The following SLC26A8 variants were observed in gnomAD, a reference collection of about 807,000 sequenced individuals.
The protein encoded by SLC26A8 is testis anion transporter 1.
A neutral mutation model predicts 105.0 loss-of-function variants in SLC26A8; 70 were observed. The observed-to-expected ratio is 0.67, with a 90% CI of 0.55 to 0.81. The LOEUF (loss-of-function observed/expected upper bound fraction) is 0.81, where lower values mean the gene tolerates loss of function less well. Ranked by LOEUF, SLC26A8 falls within the 40% of genes least tolerant of loss-of-function variation. The pLI, the probability that SLC26A8 is intolerant of heterozygous loss-of-function variation, is 0.00. For missense variants in SLC26A8, 998 were observed against 1,181.8 expected, an observed-to-expected ratio of 0.84 and a Z score of 2.28; for synonymous variants, 415 against 438.3, an observed-to-expected ratio of 0.95 and a Z score of 0.66.
intron 7 of SLC26A8, among the ~76,000 whole-genome samples, chr6:35,984,342 G>C (rs1229343717): frequency 1.1e-5 from 1 of 87,474 alleles, no homozygotes; most frequent in South Asian, 3.5e-4. Flanking sequence ...TTTTTTTTGA[G>C]ACAGAGTCTT....
intron 11 of SLC26A8, among the ~76,000 whole-genome samples, chr6:35,963,016 A>G (rs530348585): frequency 6.6e-6 from 1 of 152,236 alleles, no homozygotes; most frequent in Admixed American, 6.5e-5. Context: ...CAAAAACACA[A>G]GGCAAGGTCA....
Position 35,955,465 on chromosome 6 carries a change from T to G in SLC26A8, c.1919A>C (p.Asn640Thr), listed in dbSNP as rs1772025257. The change falls in exon 17 of 20, where the codon AAC (asparagine) becomes ACC (threonine). Residue 640 changes from asparagine to threonine, a missense_variant. By Grantham distance (65) the Asn-to-Thr change is moderately conservative. Transcript: ENST00000490799. Reference protein sequence around the residue: ...NKLDPEASSINLIHCSHFESM... With the variant: ...NKLDPEASSITLIHCSHFESM... ...CTCAAAATGTGAGCAGTGAATCAGGTTAATGGAGGATGCTTCGGGATCCAG... is the reference window on the plus strand; with the variant it reads ...CTCAAAATGTGAGCAGTGAATCAGGGTAATGGAGGATGCTTCGGGATCCAG... The G allele has an allele frequency of 1.2e-6, 2 of 1,614,000 alleles. No homozygotes were observed. Among genetic ancestry groups the G allele is most frequent in the South Asian group, 2.2e-5 (2 of 91,084 alleles).
rs1772635682 is a variant in SLC26A8, at chr6:35,968,611, ATATATATAT to A, written c.1365+257_1365+265del. Reference sequence around the variant, plus strand: ...TGTATGTGTGTGTGTGTGTGTGTGTATATATATATATATATATATATATATATATATATA... The same window carrying A: ...TGTATGTGTGTGTGTGTGTGTGTGTAATATATATATATATATATATATATA... On this transcript the variant is annotated intron_variant, in intron 11 of 19. Transcript: ENST00000490799. Among the ~76,000 whole-genome samples the A allele has an allele frequency of 1.7e-3, 77 of 44,114 alleles. 2 individuals are homozygous for A. Among genetic ancestry groups the A allele is most frequent in the East Asian group, 2.7e-3 (3 of 1,112 alleles). The allele number at this position is 44,114 out of a possible 152,430, so 28.9% of individuals were successfully genotyped here. A position where few individuals can be genotyped will look rare whatever the true frequency, so the allele number is the denominator to read the frequency against.
intron 7 of SLC26A8, among the ~76,000 whole-genome samples, chr6:35,983,671 C>T (rs1773370930): frequency 6.6e-6 from 1 of 152,122 alleles, no homozygotes; most frequent in African/African-American, 2.4e-5. Context: ...CATGCCTCAG[C>T]TTCCTAAGTA....
chr6:35,991,950 C>A (rs1378837864), intron 6 of SLC26A8, 142 bp from the exon 7 acceptor site: 67 of 767,832 alleles, frequency 8.7e-5, no homozygotes, highest in Admixed American at 2.2e-4. Flanking sequence ...ATTACTAGAA[C>A]AGTGAGGGCA....
Position 36,008,098 on chromosome 6 carries a change from C to T in SLC26A8, c.328+4135G>A, listed in dbSNP as rs369270074. On this transcript the variant is annotated intron_variant, in intron 3 of 19. Transcript: ENST00000490799. ...TTGAGCCATTGCACTCCAGCCTGGG[C>T]AACAGAGCGAGACTCCGTCTCAAAA... 1.4e-3 allele frequency among the ~76,000 whole-genome samples: 156 copies of T among 113,382 alleles called. No individual in the cohort carries two copies. The Middle Eastern group carries it at 0.026, about 19-fold the overall frequency. 74.4% of individuals were successfully genotyped at this position (113,382 alleles called of 152,430 possible).
intron 5 of SLC26A8, among the ~76,000 whole-genome samples, chr6:35,996,658 C>A (rs532192532): frequency 6.6e-6 from 1 of 152,218 alleles, no homozygotes; most frequent in South Asian, 2.1e-4. Context: ...GTGATCCTCC[C>A]ACCTCAGCCT....
chr6:35,951,095 C>G (rs1771850456), intron 19 of SLC26A8, 68 bp downstream of exon 19: 1 of 1,282,784 alleles, frequency 7.8e-7, no homozygotes, highest in Non-Finnish European at 1.1e-6. Flanking sequence ...CCCCCAACCA[C>G]CCCTCACCCA....
In SLC26A8 at chr6:35,944,165, T is replaced by C; in HGVS notation, c.2648A>G (p.Glu883Gly). The C allele has an allele frequency of 6.2e-7, 1 of 1,614,096 alleles. No individual in the cohort carries two copies. The highest frequency in any genetic ancestry group is 8.5e-7 in the Non-Finnish European group (1 of 1,180,016). The change falls in exon 20 of 20, where the codon GAG (glutamate) becomes GGG (glycine). Residue 883 changes from glutamate (E) to glycine (G), a missense_variant. Physicochemically the swap from Glu to Gly is moderately conservative, Grantham distance 98. Transcript: ENST00000490799. ...CTCAGCCTTGGGCTCCATTTCAGGC[T>C]CCAGCTCCCGATCCAGGTCTAGGTC... Reference protein sequence around the residue: ...GLDLDLDRELEPEMEPKAETE... With the variant: ...GLDLDLDRELGPEMEPKAETE...
chr6:35,946,866 T>A (rs1771695253), intron 19 of SLC26A8, among the ~76,000 whole-genome samples: 1 of 151,952 alleles, frequency 6.6e-6, no homozygotes. Flanking sequence ...TTTTAGTTTT[T>A]TTTTTCAAGA....
chr6:35,988,112 T>C (rs1329382017), intron 7 of SLC26A8, among the ~76,000 whole-genome samples: 1 of 151,794 alleles, frequency 6.6e-6, no homozygotes, highest in Non-Finnish European at 1.5e-5. Context: ...GGTTTCACCA[T>C]GTTGGCCAGG....
Position 35,959,381 on chromosome 6 carries a change from AT to A in SLC26A8, c.1863+78del, listed in dbSNP as rs138054927. 1.3e-3 allele frequency: 1,800 copies of A among 1,349,734 alleles called. 1 individual carries two copies. The highest frequency in any genetic ancestry group is 3.0e-3 in the South Asian group (191 of 63,280). 83.6% of individuals were successfully genotyped at this position (1,349,734 alleles called of 1,614,324 possible). A position where few individuals can be genotyped will look rare whatever the true frequency, so the allele number is the denominator to read the frequency against. On this transcript the variant is annotated intron_variant, in intron 16 of 19. Transcript: ENST00000490799. ...AAGTCAAAATCCCTTAGAGGTTTTG[AT>A]TTTTTTTTTAAGAAATGACTAGTGT...
chr6:35,958,297 C>T (rs893521705), intron 16 of SLC26A8, among the ~76,000 whole-genome samples: 3 of 151,950 alleles, frequency 2.0e-5, no homozygotes, highest in South Asian at 4.1e-4. Flanking sequence ...GTCTTGAGTT[C>T]GAGACCAGCC....
intron 9 of SLC26A8, 73 bp downstream of exon 9, chr6:35,977,131 T>C: frequency 2.0e-6 from 3 of 1,512,236 alleles, no homozygotes; most frequent in Middle Eastern, 2.0e-4. Context: ...AAAAGACTCC[T>C]GCTTCATGTT....
At chr6:35,976,629 C>T (rs899102588) in intron 9 of SLC26A8, among the ~76,000 whole-genome samples, 1 of 150,330 alleles carries the variant, frequency 6.7e-6, no homozygotes, top group Admixed American at 6.6e-5. Context: ...CAAGTTCCGC[C>T]TCCCGGGTTC....
rs1771565412 is a variant in SLC26A8 at position 35,943,833 on chromosome 6, C to A, written c.*67G>T. The A allele has an allele frequency of 1.9e-6, 3 of 1,569,890 alleles. No individual in the cohort carries two copies. Among genetic ancestry groups the A allele is most frequent in the Middle Eastern group, 1.7e-4 (1 of 5,822 alleles). On this transcript the variant is annotated 3_prime_UTR_variant, in exon 20 of 20. Transcript: ENST00000490799. The stretch of plus-strand genomic sequence containing the variant: ...TTCGTATCCAGTCTAGGTCTCTGGA[C>A]AATTGACCCCTTTTTGGGTAGGAGG...
At chr6:35,950,077 G>A (rs541620968) in intron 19 of SLC26A8, among the ~76,000 whole-genome samples, 104 of 152,214 alleles carry the variant, frequency 6.8e-4, no homozygotes, top group African/African-American at 2.1e-3. Flanking sequence ...GATTACAGGC[G>A]TGAGCCATCT....
chr6:35,949,809 G>T (rs558425102), intron 19 of SLC26A8, among the ~76,000 whole-genome samples: 48 of 150,096 alleles, frequency 3.2e-4, no homozygotes, highest in Non-Finnish European at 6.4e-4. Flanking sequence ...GTGTGTGTGT[G>T]TTTTTTTGTT....
In SLC26A8 at chr6:35,955,223, C is replaced by T; in HGVS notation, c.2161G>A (p.Val721Ile). The T allele has an allele frequency of 1.9e-6, 3 of 1,614,152 alleles. No individual in the cohort carries two copies. Among genetic ancestry groups the T allele is most frequent in the Non-Finnish European group, 2.5e-6 (3 of 1,180,032 alleles). ...PYSDASLLPS[V>I]HTIILDFSMV... ...GAGAAATCCAGGATGATGGTGTGGA[C>T]ACTGGGCAGTAGAGACGCATCTGAG... The change falls in exon 17 of 20, where the codon GTC becomes ATC. Residue 721 changes from valine to isoleucine, a missense_variant. Val to Ile is a conservative substitution (Grantham distance 29). Coordinates refer to ENST00000490799, the MANE Select transcript of SLC26A8 (RefSeq NM_052961.4).
Sources: allele counts gnomAD v4.1 joint callset (sites outside exome capture counted in the v4.1 genomes callset), GRCh38; gene constraint gnomAD v4.1.1; transcripts MANE v1.5; gene names NCBI Gene and HGNC (gene_info 2026-07-23, HGNC 2026-07-21).